The following TBCD variants were observed in gnomAD, a reference collection of about 807,000 sequenced individuals.
TBCD encodes tubulin-specific chaperone D.
A neutral mutation model predicts 169.3 loss-of-function variants in TBCD; 105 were observed. That is an observed-to-expected ratio of 0.62 (90% CI 0.53 to 0.73). The LOEUF is 0.73. TBCD is among the 30% of genes least tolerant of loss of function. The pLI is 0.00. For synonymous variants in TBCD, 700 were observed against 643.9 expected (o/e 1.09, Z -1.32); for missense variants, 1,444 against 1,600.1 (o/e 0.90, Z 1.66).
chr17:82,859,215 G>C (rs1200922609), intron 13 of TBCD, among the ~76,000 whole-genome samples: 7 of 149,834 alleles, frequency 4.7e-5, no homozygotes, highest in Non-Finnish European at 1.0e-4. Context: ...CCCCGCACTG[G>C]CTTTCAGGGA....
At chr17:82,845,509 C>G (rs893035850) in intron 13 of TBCD, among the ~76,000 whole-genome samples, 1 of 132,654 alleles carries the variant, frequency 7.5e-6, no homozygotes, top group African/African-American at 2.5e-5. Context: ...GCCCCTTCCT[C>G]TCCGTCCTGT....
intron 13 of TBCD, among the ~76,000 whole-genome samples, chr17:82,823,460 C>CT (rs2052575531): frequency 6.6e-6 from 1 of 152,236 alleles, no homozygotes; most frequent in East Asian, 1.9e-4. Flanking sequence ...ACCGATTGTT[C>CT]TTTTTTTGTG....
rs182910569 is a variant in TBCD at position 82,782,767 on chromosome 17, A to G, written c.771+1046A>G. ...TTCCTATCCGCGGCATTGTCTTCCTATCCGCGGCGTTGTCTTCCTGTCTGT... is the reference window on the plus strand; with the variant it reads ...TTCCTATCCGCGGCATTGTCTTCCTGTCCGCGGCGTTGTCTTCCTGTCTGT... On this transcript the variant is annotated intron_variant, in intron 7 of 38. Transcript: ENST00000355528. This position sits in a 1 kb window ranked among gnomAD's most constrained non-coding sequence, Gnocchi z 5.1. Among the ~76,000 whole-genome samples, 1 of 139,748 alleles carries G rather than the reference A, an allele frequency of 7.2e-6. No individual in the cohort carries two copies. The highest frequency in any genetic ancestry group is 2.9e-5 in the African/African-American group (1 of 34,604). The allele number at this position is 139,748 out of a possible 152,430, so 91.7% of individuals were successfully genotyped here. A position where few individuals can be genotyped will look rare whatever the true frequency, so the allele number is the denominator to read the frequency against.
At chr17:82,824,919 C>T (rs527276536) in intron 13 of TBCD, among the ~76,000 whole-genome samples, 2 of 151,752 alleles carry the variant, frequency 1.3e-5, no homozygotes, top group Non-Finnish European at 2.9e-5. Flanking sequence ...AATGCAGAAA[C>T]GTAGTTAAAA....
At chr17:82,870,628 C>T (rs1032514555) in intron 14 of TBCD, among the ~76,000 whole-genome samples, 1 of 152,232 alleles carries the variant, frequency 6.6e-6, no homozygotes. Context: ...TTCTTGGGCG[C>T]AGGTGATCGA....
intron 13 of TBCD, among the ~76,000 whole-genome samples, chr17:82,869,086 G>A (rs1011754173): frequency 1.3e-5 from 2 of 152,196 alleles, no homozygotes; most frequent in African/African-American, 4.8e-5. Context: ...TATCTGGGGA[G>A]GCTGAGCTGG....
intron 6 of TBCD, among the ~76,000 whole-genome samples, chr17:82,778,549 C>T (rs1425736057): frequency 6.6e-6 from 1 of 152,174 alleles, no homozygotes; most frequent in East Asian, 1.9e-4. Flanking sequence ...ACCTCCATCT[C>T]CTAGGCTCAA....
intron 17 of TBCD, among the ~76,000 whole-genome samples, chr17:82,899,351 G>T (rs113107157): frequency 0.035 from 4,864 of 138,858 alleles, 126 homozygotes; most frequent in African/African-American, 0.079. Flanking sequence ...TCCTCAGTGC[G>T]TGTCCGCAGT....
In TBCD at chr17:82,889,393, C is replaced by T. The variant is rs1314803555; in HGVS notation, c.1534-275C>T. ...CTCTCTGAGTTGACAGCCGGGGCCT[C>T]CGCGTGGGTGCTGCTGGGAGGCTCA... is the stretch of plus-strand genomic sequence containing the variant. On this transcript the variant is annotated intron_variant, in intron 15 of 38. Transcript: ENST00000355528. This position sits in a 1 kb window ranked among gnomAD's most constrained non-coding sequence, Gnocchi z 5.3. Among the ~76,000 whole-genome samples the T allele has an allele frequency of 6.6e-6, 1 of 152,120 alleles. No individual in the cohort carries two copies. The highest frequency in any genetic ancestry group is 1.5e-5 in the Non-Finnish European group (1 of 68,010).
intron 5 of TBCD, 84 bp downstream of exon 5, chr17:82,768,650 A>C: frequency 6.8e-7 from 1 of 1,463,368 alleles, no homozygotes; most frequent in Non-Finnish European, 9.3e-7. Context: ...TTACTCGGTA[A>C]GCTTCTGATA....
At chr17:82,754,616 G>C (rs55870548) in intron 1 of TBCD, among the ~76,000 whole-genome samples, 1 of 152,226 alleles carries the variant, frequency 6.6e-6, no homozygotes, top group East Asian at 1.9e-4. Context: ...AGGGCTCTTA[G>C]CATTTAAACT....
Position 82,889,557 on chromosome 17 carries a change from TA to T in TBCD, c.1534-105del. On this transcript the variant is annotated intron_variant, in intron 15 of 38. Coordinates refer to ENST00000355528, the MANE Select transcript of TBCD (RefSeq NM_005993.5). The surrounding 1 kb of genome is among the most constrained non-coding windows in gnomAD (Gnocchi z 5.3). ...TCAGCCAACAATGAGGGCTTTTATTTAAAAAATAAAGCCGTGGGTCATTCAC... is the reference window on the plus strand; with the variant it reads ...TCAGCCAACAATGAGGGCTTTTATTTAAAAATAAAGCCGTGGGTCATTCAC... 7.4e-7 allele frequency: 1 copy of T among 1,346,700 alleles called. No individual in the cohort carries two copies. Among genetic ancestry groups the T allele is most frequent in the Non-Finnish European group, 1.0e-6 (1 of 962,694 alleles). 83.4% of individuals were successfully genotyped at this position (1,346,700 alleles called of 1,614,324 possible).
At chr17:82,765,762 A>G (rs192170714) in intron 3 of TBCD, among the ~76,000 whole-genome samples, 1 of 152,342 alleles carries the variant, frequency 6.6e-6, no homozygotes, top group African/African-American at 2.4e-5. Flanking sequence ...ATAAATGAAC[A>G]TATTTAATGA....
At chr17:82,853,896 AT>A (rs1039606960) in intron 13 of TBCD, among the ~76,000 whole-genome samples, 1 of 151,362 alleles carries the variant, frequency 6.6e-6, no homozygotes, top group Non-Finnish European at 1.5e-5. Context: ...GCTTTTTCAG[AT>A]TTTTTTTTGT....
At chr17:82,928,910 C>T (rs1302567525) in intron 30 of TBCD, among the ~76,000 whole-genome samples, 1 of 152,164 alleles carries the variant, frequency 6.6e-6, no homozygotes, top group Non-Finnish European at 1.5e-5. Flanking sequence ...GGTTGGGCTC[C>T]TGGGATGTGA....
At position 82,941,606 on chromosome 17, in the gene TBCD, G is replaced by A. The variant is rs896730499; in HGVS notation, c.3564+123G>A. 9.5e-6 allele frequency: 8 copies of A among 842,668 alleles called. No homozygotes were observed. In the Admixed American group the frequency reaches 1.5e-4, roughly 16 times the overall value. 52.2% of individuals were successfully genotyped at this position (842,668 alleles called of 1,614,324 possible). On this transcript the variant is annotated intron_variant, in intron 38 of 38. Coordinates refer to ENST00000355528, the MANE Select transcript of TBCD (RefSeq NM_005993.5). ...CACACGGCCCGTTCCCTCGTCTCAT[G>A]TCAGGACCCCTGGGATTACGGGACC...
intron 16 of TBCD, among the ~76,000 whole-genome samples, chr17:82,891,719 A>G (rs903961321): frequency 1.3e-5 from 2 of 151,466 alleles, no homozygotes; most frequent in Admixed American, 1.3e-4. Flanking sequence ...GCTGGGTAAC[A>G]GCAGCAGGGA....
intron 1 of TBCD, among the ~76,000 whole-genome samples, chr17:82,755,338 C>T (rs754003749): frequency 2.6e-5 from 4 of 152,194 alleles, no homozygotes; most frequent in East Asian, 1.9e-4. Flanking sequence ...AGTTAATTTT[C>T]TCTTGGATCA....
chr17:82,766,499 CTT>C, intron 4 of TBCD, 131 bp downstream of exon 4: 1 of 541,010 alleles, frequency 1.8e-6, no homozygotes, highest in Non-Finnish European at 3.2e-6. Context: ...TGTCACTCCT[CTT>C]TTCTTTCTTT....
Sources: gnomAD v4.1 joint callset for allele counts (sites outside exome capture counted in the v4.1 genomes callset) on GRCh38, gnomAD v4.1.1 for gene constraint, Gnocchi (gnomAD v3.1) non-coding constraint, MANE v1.5 for transcripts, NCBI Gene and HGNC (gene_info 2026-07-23, HGNC 2026-07-21) for gene names.